Variants in SESN3 observed in about 807,000 individuals in gnomAD.
The protein encoded by SESN3 is sestrin 3, also known as sestrin-3.
SESN3 carries 21 observed loss-of-function variants against 55.3 expected under a neutral mutation model. That is an observed-to-expected ratio of 0.38 (90% CI 0.27 to 0.55). The LOEUF (loss-of-function observed/expected upper bound fraction) is 0.55. SESN3 is among the 20% of genes least tolerant of loss of function. The pLI, the probability that SESN3 is intolerant of heterozygous loss-of-function variation, is 0.76. For missense variants in SESN3, 408 were observed against 604.3 expected, an observed-to-expected ratio of 0.68 and a Z score of 3.41; for synonymous variants, 181 against 203.1, an observed-to-expected ratio of 0.89 and a Z score of 0.93.
At chr11:95,204,077 T>C (rs1279605357) in intron 1 of SESN3, 1 of 152,160 alleles carries the variant, frequency 6.6e-6, no homozygotes, top group Non-Finnish European at 1.5e-5. Context: ...TAGAAATGTA[T>C]ACTAAAGTAT....
At chr11:95,221,084 C>T (rs773726423) in intron 1 of SESN3, among the ~76,000 whole-genome samples, 5 of 152,132 alleles carry the variant, frequency 3.3e-5, no homozygotes, top group Admixed American at 6.5e-5. Context: ...AGGCAGATCA[C>T]TTGAGGTCAG....
intron 1 of SESN3, among the ~76,000 whole-genome samples, chr11:95,206,694 G>C (rs1860554986): frequency 6.6e-6 from 1 of 151,942 alleles, no homozygotes; most frequent in African/African-American, 2.4e-5. Context: ...AGGATAACAG[G>C]ATTTGTTATC....
In SESN3 at chr11:95,178,757, C is replaced by G. The variant is rs1423195129; in HGVS notation, c.1009G>C (p.Asp337His). The G allele has an allele frequency of 2.5e-6, 4 of 1,613,258 alleles. No individual in the cohort carries two copies. The highest frequency in any genetic ancestry group is 3.4e-6 in the Non-Finnish European group (4 of 1,179,392). The change falls in exon 7 of 10, where the codon GAC (aspartate) becomes CAC (histidine). Residue 337 changes from aspartate (D) to histidine (H), a missense_variant. Asp to His is a moderately conservative substitution (Grantham distance 81). Around this residue, in one of 4 missense-constraint regions of SESN3, gnomAD observed 121 missense variants for 204.9 expected, o/e 0.59. Transcript: ENST00000536441. ...YIEDPGFGYE[D>H]FARRGEEHLP... ...TGCTCTTCTCCTCGTCTGGCAAAGT[C>G]TTCATACCCAAAACCAGGGTCTTCA...
intron 1 of SESN3, among the ~76,000 whole-genome samples, chr11:95,206,943 A>T (rs1188003615): frequency 6.0e-5 from 9 of 150,266 alleles, no homozygotes; most frequent in Non-Finnish European, 1.0e-4. Context: ...CTACAGAGGC[A>T]TTTTTTTTTG....
chr11:95,206,046 G>T (rs926761263), intron 1 of SESN3, among the ~76,000 whole-genome samples: 17 of 151,970 alleles, frequency 1.1e-4, no homozygotes, highest in Admixed American at 7.2e-4. Flanking sequence ...CCTAAATTCT[G>T]TATATTGACT....
At chr11:95,221,266 T>C (rs1000857022) in intron 1 of SESN3, among the ~76,000 whole-genome samples, 2 of 151,782 alleles carry the variant, frequency 1.3e-5, no homozygotes, top group African/African-American at 4.8e-5. Context: ...ATGGCGCCAC[T>C]GCACTCCAGC....
chr11:95,194,209 G>A (rs1334809918), intron 1 of SESN3, among the ~76,000 whole-genome samples: 2 of 151,702 alleles, frequency 1.3e-5, no homozygotes, highest in African/African-American at 4.8e-5. Context: ...CTCATTAAGT[G>A]CGATACAAGC....
intron 1 of SESN3, chr11:95,203,680 G>A (rs1860497674): frequency 6.6e-6 from 1 of 152,114 alleles, no homozygotes; most frequent in African/African-American, 2.4e-5. Context: ...ATGTACACAG[G>A]TAAACTTAAA....
At position 95,189,966 on chromosome 11, in the gene SESN3, A is replaced by G. The variant is rs1017170812; in HGVS notation, c.343-5T>C. ...ACACTGATGTCTAGCTGCAGCCTAAAGCACAAAGAAAAAAATTCATTGATA... is the reference window on the plus strand; with the variant it reads ...ACACTGATGTCTAGCTGCAGCCTAAGGCACAAAGAAAAAAATTCATTGATA... On this transcript the variant is annotated splice_region_variant and splice_polypyrimidine_tract_variant and intron_variant, in intron 3 of 9. Coordinates refer to ENST00000536441, the MANE Select transcript of SESN3 (RefSeq NM_144665.4). 24 of 1,576,980 alleles carry G rather than the reference A, an allele frequency of 1.5e-5. No homozygotes were observed. The highest frequency in any genetic ancestry group is 2.1e-5 in the Non-Finnish European group (24 of 1,165,670).
rs1362883353 is a variant in SESN3 at position 95,171,616 on chromosome 11, G to A, written c.*1639C>T. On this transcript the variant is annotated 3_prime_UTR_variant, in exon 10 of 10. Transcript: ENST00000536441. ...AAGTTAAATCTTATATCACAAGTAA[G>A]TCTAAAATGAAATATTTGCGGGAAC... The A allele has an allele frequency of 6.6e-6, 1 of 152,058 alleles. No homozygotes were observed. The highest frequency in any genetic ancestry group is 2.4e-5 in the African/African-American group (1 of 41,416). 9.4% of individuals were successfully genotyped at this position (152,058 alleles called of 1,614,324 possible).
intron 1 of SESN3, among the ~76,000 whole-genome samples, chr11:95,217,647 C>T (rs377506844): frequency 9.9e-5 from 4 of 40,424 alleles, no homozygotes; most frequent in South Asian, 3.2e-3. Flanking sequence ...AGCCAGACTC[C>T]GTTTAAAAAA....
At chr11:95,221,186 C>A (rs1860850809) in intron 1 of SESN3, among the ~76,000 whole-genome samples, 1 of 152,058 alleles carries the variant, frequency 6.6e-6, no homozygotes, top group Non-Finnish European at 1.5e-5. Flanking sequence ...TGCTTGTAAT[C>A]CCAGCTACTT....
intron 4 of SESN3, among the ~76,000 whole-genome samples, chr11:95,187,182 A>T (rs1233886778): frequency 6.6e-6 from 1 of 151,966 alleles, no homozygotes; most frequent in Non-Finnish European, 1.5e-5. Flanking sequence ...TTCTATAAAC[A>T]GCATCTTCAT....
chr11:95,205,839 G>A (rs2199057), intron 1 of SESN3, among the ~76,000 whole-genome samples: 42,339 of 151,618 alleles, frequency 0.28, 6,788 homozygotes, highest in Non-Finnish European at 0.35. Flanking sequence ...AGTCTAATTT[G>A]CTTTCCATTT....
intron 1 of SESN3, among the ~76,000 whole-genome samples, chr11:95,228,544 T>A (rs956184016): frequency 6.6e-6 from 1 of 152,196 alleles, no homozygotes; most frequent in Admixed American, 6.5e-5. Flanking sequence ...AAGAAAAACA[T>A]GTCTTTATTA....
chr11:95,174,814 T>A (rs76710922), intron 9 of SESN3, among the ~76,000 whole-genome samples: 1,689 of 152,212 alleles, frequency 0.011, 14 homozygotes, highest in Middle Eastern at 0.027. Context: ...AATATTTTTT[T>A]AATTCAGATT....
chr11:95,175,664 C>T lies in SESN3; in HGVS notation c.1248-22G>A. 3 of 1,583,530 alleles carry T rather than the reference C, an allele frequency of 1.9e-6. No homozygotes were observed. The South Asian group carries it at 3.4e-5, about 18-fold the overall frequency. On this transcript the variant is annotated intron_variant, in intron 8 of 9. Transcript: ENST00000536441. ...ATACCTACGAGCAATACAACAATAG[C>T]TTTATAATGACAAAATCAAAATATT...
chr11:95,191,935 T>C (rs1860277255), intron 2 of SESN3, among the ~76,000 whole-genome samples: 1 of 152,066 alleles, frequency 6.6e-6, no homozygotes, highest in Non-Finnish European at 1.5e-5. Context: ...CACCAATGTG[T>C]GGTAAAGCAC....
chr11:95,225,236 T>C (rs984105413), intron 1 of SESN3, among the ~76,000 whole-genome samples: 1 of 152,186 alleles, frequency 6.6e-6, no homozygotes, highest in Non-Finnish European at 1.5e-5. Context: ...TGTATAATTA[T>C]GAACACAGTT....
Sources: gnomAD v4.1 joint callset for allele counts (sites outside exome capture counted in the v4.1 genomes callset) on GRCh38, gnomAD v4.1.1 for gene constraint, gnomAD v4.1.1 regional missense constraint, MANE v1.5 for transcripts, NCBI Gene and HGNC (gene_info 2026-07-23, HGNC 2026-07-21) for gene names.